RAPGEF4: variants seen among roughly 807,000 people sequenced by gnomAD.
RAPGEF4 encodes the protein Rap guanine nucleotide exchange factor 4.
In RAPGEF4, 66 loss-of-function variants were observed where a neutral mutation model predicts 147.9. The ratio of observed to expected loss-of-function variants is 0.45; its 90% CI spans 0.37 to 0.55. The LOEUF (loss-of-function observed/expected upper bound fraction) is 0.55, where lower values mean the gene tolerates loss of function less well. Among genes scored for constraint, RAPGEF4 ranks in the 20% least tolerant of loss-of-function variants. The pLI is 0.00. For missense variants in RAPGEF4, 1,071 were observed against 1,257.3 expected (o/e 0.85, Z 2.24); for synonymous variants, 419 against 442.7 (o/e 0.95, Z 0.67).
At position 172,850,858 on chromosome 2, in the gene RAPGEF4, G is replaced by A. The variant is rs568822057; in HGVS notation, c.444+36433G>A. On this transcript the variant is annotated intron_variant, in intron 4 of 30. Transcript: ENST00000397081. The stretch of plus-strand genomic sequence containing the variant: ...TTTTTCCTTATTGGTCTAACTAGCA[G>A]TCTATCTATCTTATTAATTCTTTCA... Among the ~76,000 whole-genome samples, 7 of 152,176 alleles carry A rather than the reference G, an allele frequency of 4.6e-5. No individual in the cohort carries two copies. In the South Asian group the frequency reaches 1.5e-3, roughly 32 times the overall value.
At chr2:173,051,538 C>G (rs1175648716) in intron 30 of RAPGEF4, 102 bp from the exon 31 acceptor site, 2 of 1,315,564 alleles carry the variant, frequency 1.5e-6, no homozygotes, top group Non-Finnish European at 2.1e-6. Context: ...TTGAGGGAAC[C>G]CAGGAACCTA....
chr2:173,051,870 A>C lies in RAPGEF4; in HGVS notation c.*103A>C. 7.5e-7 allele frequency: 1 copy of C among 1,340,574 alleles called. No individual in the cohort carries two copies. The highest frequency in any genetic ancestry group is 1.0e-6 in the Non-Finnish European group (1 of 964,230). 83.0% of individuals were successfully genotyped at this position (1,340,574 alleles called of 1,614,324 possible). A position where few individuals can be genotyped will look rare whatever the true frequency, so the allele number is the denominator to read the frequency against. The stretch of plus-strand genomic sequence containing the variant: ...GTATTGCCACTAGAGAATTCTACAA[A>C]ACAAGCAAAAACACATCCTGAGACA... On this transcript the variant is annotated 3_prime_UTR_variant, in exon 31 of 31. Coordinates refer to ENST00000397081, the MANE Select transcript of RAPGEF4 (RefSeq NM_007023.4).
intron 6 of RAPGEF4, among the ~76,000 whole-genome samples, chr2:172,954,655 A>T (rs1211881051): frequency 6.6e-6 from 1 of 152,198 alleles, no homozygotes; most frequent in Non-Finnish European, 1.5e-5. Flanking sequence ...GATGACATTG[A>T]TGATAACTAT....
chr2:172,823,602 A>G (rs1689335751), intron 4 of RAPGEF4, among the ~76,000 whole-genome samples: 1 of 152,138 alleles, frequency 6.6e-6, no homozygotes, highest in African/African-American at 2.4e-5. Flanking sequence ...CGTGGGGCCA[A>G]ATTCCACTCC....
In RAPGEF4 at chr2:172,827,103, T is replaced by A. The variant is rs76910898; in HGVS notation, c.444+12678T>A. Reference sequence around the variant, plus strand: ...CCTCACCAAAAAGTTTCATCATACATAGCAAATTGTACCTTATTAATAAAG... The same window carrying A: ...CCTCACCAAAAAGTTTCATCATACAAAGCAAATTGTACCTTATTAATAAAG... On this transcript the variant is annotated intron_variant, in intron 4 of 30. Transcript: ENST00000397081. 9.8e-5 allele frequency among the ~76,000 whole-genome samples: 15 copies of A among 152,300 alleles called. No homozygotes were observed. In the East Asian group the frequency reaches 2.9e-3, roughly 29 times the overall value.
intron 4 of RAPGEF4, among the ~76,000 whole-genome samples, chr2:172,846,120 A>G (rs1489778835): frequency 1.3e-5 from 2 of 152,204 alleles, no homozygotes; most frequent in East Asian, 1.9e-4. Flanking sequence ...CATAAACTTC[A>G]TGCATTTCAA....
chr2:172,760,776 A>G (rs1406810787), intron 1 of RAPGEF4, among the ~76,000 whole-genome samples: 2 of 152,154 alleles, frequency 1.3e-5, no homozygotes, highest in Non-Finnish European at 2.9e-5. Context: ...GATAGAGGAA[A>G]GAAATAGTGA....
intron 4 of RAPGEF4, among the ~76,000 whole-genome samples, chr2:172,845,937 A>T (rs1692131444): frequency 6.6e-6 from 1 of 152,164 alleles, no homozygotes; most frequent in South Asian, 2.1e-4. Flanking sequence ...GGAATGGAAG[A>T]CACTGGGGTT....
At chr2:172,994,778 TG>T (rs1483120347) in intron 15 of RAPGEF4, among the ~76,000 whole-genome samples, 1 of 152,198 alleles carries the variant, frequency 6.6e-6, no homozygotes, top group Non-Finnish European at 1.5e-5. Flanking sequence ...AAATATGCAT[TG>T]CCCACAAGAG....
chr2:172,791,700 TCTC>T lies in RAPGEF4; in HGVS notation c.66-3323_66-3321del, dbSNP rs1487747861. Among the ~76,000 whole-genome samples the T allele has an allele frequency of 1.6e-4, 25 of 152,322 alleles. No homozygotes were observed. The East Asian group carries it at 4.8e-3, about 29-fold the overall frequency. On this transcript the variant is annotated intron_variant, in intron 1 of 30. Coordinates refer to ENST00000397081, the MANE Select transcript of RAPGEF4 (RefSeq NM_007023.4). Reference sequence around the variant, plus strand: ...ATATCAGGAGAAGAGATTTCATTCTTCTCCCAGTTATCTCAAATTAATTTTGTC... The same window carrying T: ...ATATCAGGAGAAGAGATTTCATTCTTCCAGTTATCTCAAATTAATTTTGTC...
intron 29 of RAPGEF4, among the ~76,000 whole-genome samples, chr2:173,045,172 G>A (rs1313648078): frequency 6.6e-6 from 1 of 152,214 alleles, no homozygotes; most frequent in African/African-American, 2.4e-5. Flanking sequence ...GATGGTTTTA[G>A]TTTTTAAAAT....
At chr2:172,963,352 A>T (rs771595908) in intron 8 of RAPGEF4, among the ~76,000 whole-genome samples, 36 of 152,230 alleles carry the variant, frequency 2.4e-4, no homozygotes, top group Admixed American at 3.3e-4. Context: ...CTTCAGAGAG[A>T]GTTCAACCTT....
chr2:173,025,202 G>A (rs1286847751), intron 23 of RAPGEF4, among the ~76,000 whole-genome samples: 1 of 152,204 alleles, frequency 6.6e-6, no homozygotes, highest in East Asian at 1.9e-4. Context: ...TGCTGTATGG[G>A]CCAGACAGGG....
chr2:172,863,271 G>A (rs1694234835), intron 4 of RAPGEF4, among the ~76,000 whole-genome samples: 1 of 152,010 alleles, frequency 6.6e-6, no homozygotes, highest in Non-Finnish European at 1.5e-5. Flanking sequence ...AGAGGAAATT[G>A]GAGTGCTCTA....
rs1335908773 is a variant in RAPGEF4, at chr2:172,776,083, T to C, written c.66-18942T>C. Among the ~76,000 whole-genome samples the C allele has an allele frequency of 2.0e-5, 3 of 152,206 alleles. No individual in the cohort carries two copies. The East Asian group carries it at 5.8e-4, about 29-fold the overall frequency. On this transcript the variant is annotated intron_variant, in intron 1 of 30. Transcript: ENST00000397081. ...GCCAAGTACTTACAGATTTACACTT[T>C]GACATGTCATCCTGATTTATTTTTA...
In RAPGEF4 at chr2:172,750,951, G is replaced by A. The variant is rs182705777; in HGVS notation, c.65+14903G>A. Among the ~76,000 whole-genome samples, 75 of 152,178 alleles carry A rather than the reference G, an allele frequency of 4.9e-4. 1 individual carries two copies. The highest frequency in any genetic ancestry group is 1.8e-3 in the African/African-American group (74 of 41,516). Reference sequence around the variant, plus strand: ...CATTTTATAGGTTGAATTTTTTATTGTATTGATTGTTTTGCTGTGCAGTCA... The same window carrying A: ...CATTTTATAGGTTGAATTTTTTATTATATTGATTGTTTTGCTGTGCAGTCA... On this transcript the variant is annotated intron_variant, in intron 1 of 30. Coordinates refer to ENST00000397081, the MANE Select transcript of RAPGEF4 (RefSeq NM_007023.4).
chr2:172,999,788 C>T (rs1669554497), intron 16 of RAPGEF4, among the ~76,000 whole-genome samples: 1 of 152,180 alleles, frequency 6.6e-6, no homozygotes, highest in South Asian at 2.1e-4. Flanking sequence ...TGTCATCACT[C>T]AGTGTCACCA....
intron 23 of RAPGEF4, among the ~76,000 whole-genome samples, chr2:173,025,629 G>A (rs571769467): frequency 1.0e-3 from 156 of 152,282 alleles, no homozygotes; most frequent in African/African-American, 3.5e-3. Context: ...TTTCAGTAGA[G>A]ACAGGGTTTC....
chr2:172,960,986 A>C (rs975521711), intron 7 of RAPGEF4, 136 bp from the exon 8 acceptor site: 16 of 833,406 alleles, frequency 1.9e-5, no homozygotes, highest in Non-Finnish European at 2.7e-5. Flanking sequence ...ACACAAGTGA[A>C]CAAAGTAAAG....
Sources: gnomAD v4.1 joint callset for allele counts (sites outside exome capture counted in the v4.1 genomes callset) on GRCh38, gnomAD v4.1.1 for gene constraint, MANE v1.5 for transcripts, NCBI Gene and HGNC (gene_info 2026-07-23, HGNC 2026-07-21) for gene names.